Variants in SMTN observed in about 807,000 individuals in gnomAD.
SMTN encodes smoothelin.
A neutral mutation model predicts 102.0 loss-of-function variants in SMTN; 58 were observed. That is an observed-to-expected ratio of 0.57 (90% CI 0.46 to 0.71). SMTN has a LOEUF of 0.71. Among genes scored for constraint, SMTN ranks in the 30% least tolerant of loss-of-function variants. The pLI, the probability that SMTN is intolerant of heterozygous loss-of-function variation, is 0.00. For missense variants in SMTN, 1,185 were observed against 1,241.7 expected (o/e 0.95, Z 0.69); for synonymous variants, 478 against 497.9 (o/e 0.96, Z 0.53).
In SMTN at chr22:31,090,179, A is replaced by C. The variant is rs748916642; in HGVS notation, c.864A>C (p.Ala288=). Reference sequence around the variant, plus strand: ...GAGGCCCCTCTGACACCAAGAGAGCAGGTGAGGGTCCCAGCAGGGGTAGTC... The same window carrying C: ...GAGGCCCCTCTGACACCAAGAGAGCCGGTGAGGGTCCCAGCAGGGGTAGTC... ...PTRGPSDTKR[A]DVAGPRPCQR... The change falls in exon 8 of 21, where the codon GCA becomes GCC. Residue 288 remains alanine, a splice_region_variant and synonymous_variant. Transcript: ENST00000333137. The C allele has an allele frequency of 6.2e-7, 1 of 1,609,728 alleles. No homozygotes were observed.
rs1266040677 is a variant in SMTN, at chr22:31,095,638, C to T, written c.1861+29C>T. 6.3e-7 allele frequency: 1 copy of T among 1,581,716 alleles called. No homozygotes were observed. The highest frequency in any genetic ancestry group is 8.6e-7 in the Non-Finnish European group (1 of 1,160,144). ...GAGAGCCAGTTGCCCTACCCTAGATCCAGCTGCCCCATTCCCCAGCTGCTC... is the reference window on the plus strand; with the variant it reads ...GAGAGCCAGTTGCCCTACCCTAGATTCAGCTGCCCCATTCCCCAGCTGCTC... On this transcript the variant is annotated intron_variant, in intron 13 of 20. Coordinates refer to ENST00000333137, the MANE Select transcript of SMTN (RefSeq NM_134269.3). The surrounding 1 kb of genome is among the most constrained non-coding windows in gnomAD (Gnocchi z 4.1).
chr22:31,078,780 G>C (rs1235428896), upstream of SMTN, among the ~76,000 whole-genome samples: 1 of 152,230 alleles, frequency 6.6e-6, no homozygotes, highest in African/African-American at 2.4e-5. Context: ...TTGGGAGGCT[G>C]AGATGGAAGG....
Position 31,095,356 on chromosome 22 carries a change from G to T in SMTN, c.1686G>T (p.Gly562=). The change falls in exon 12 of 21, where the codon GGG becomes GGT. Residue 562 remains glycine, a synonymous_variant. Coordinates refer to ENST00000333137, the MANE Select transcript of SMTN (RefSeq NM_134269.3). This position sits in a 1 kb window ranked among gnomAD's most constrained non-coding sequence, Gnocchi z 4.1. ...PLAAAVEAAN[G]AEQTRVNKAP... is the part of the protein sequence containing the mutation. ...CTGCAGCAGTGGAAGCGGCCAATGG[G>T]GCTGAGCAGACCCGAGTGAACAAAG... 1.2e-6 allele frequency: 2 copies of T among 1,614,222 alleles called. No individual in the cohort carries two copies. Among genetic ancestry groups the T allele is most frequent in the Non-Finnish European group, 1.7e-6 (2 of 1,180,040 alleles).
intron 19 of SMTN, among the ~76,000 whole-genome samples, chr22:31,100,257 G>A (rs1227517617): frequency 1.3e-5 from 2 of 151,836 alleles, no homozygotes; most frequent in African/African-American, 2.4e-5. Flanking sequence ...ACGGGATCCC[G>A]GCTGGAGATT....
intron 11 of SMTN, among the ~76,000 whole-genome samples, chr22:31,094,157 CT>C (rs1236291235): frequency 6.6e-6 from 1 of 152,256 alleles, no homozygotes; most frequent in African/African-American, 2.4e-5. Flanking sequence ...CAGCTGCCAC[CT>C]CAGCTCTCCT....
intron 6 of SMTN, 48 bp downstream of exon 6, chr22:31,089,017 G>C: frequency 6.8e-7 from 1 of 1,472,428 alleles, no homozygotes; most frequent in South Asian, 1.1e-5. Flanking sequence ...CATGGATACC[G>C]GTAGCACAGA....
chr22:31,072,618 C>T (rs781302839), intron 1 of SMTN, among the ~76,000 whole-genome samples: 3 of 152,042 alleles, frequency 2.0e-5, no homozygotes, highest in South Asian at 2.1e-4. Context: ...CCCGCCACCA[C>T]GCCTGGCTAA....
At chr22:31,099,230 A>C in intron 18 of SMTN, 51 bp downstream of exon 18, 6 of 1,171,302 alleles carry the variant, frequency 5.1e-6, no homozygotes, top group South Asian at 1.2e-5. Flanking sequence ...ACCCCAGCTC[A>C]ACACCTCCTT....
intron 11 of SMTN, chr22:31,093,705 AC>A (rs1238466766): frequency 1.8e-6 from 2 of 1,086,730 alleles, no homozygotes; most frequent in African/African-American, 3.1e-5. Context: ...TGGGGGTCCC[AC>A]TTGTGTCCGG....
At position 31,094,746 on chromosome 22, in the gene SMTN, A is replaced by ATCATAGC. The variant is rs2043437984; in HGVS notation, c.1633-554_1633-548dup. ...GCCCAGACTGGAGTGCAGCTGCATG[A>ATCATAGC]TCATAGCTCTCTGCAGCCTCTAACT... On this transcript the variant is annotated intron_variant, in intron 11 of 20. Coordinates refer to ENST00000333137, the MANE Select transcript of SMTN (RefSeq NM_134269.3). Among the ~76,000 whole-genome samples, 28 of 150,014 alleles carry ATCATAGC rather than the reference A, an allele frequency of 1.9e-4. No homozygotes were observed. In the South Asian group the frequency reaches 2.1e-3, roughly 11 times the overall value.
upstream of SMTN, among the ~76,000 whole-genome samples, chr22:31,080,199 G>A (rs769740613): frequency 6.6e-6 from 1 of 152,140 alleles, no homozygotes. Flanking sequence ...TGTCACAGAG[G>A]ACCTGAACCG....
intron 1 of SMTN, chr22:31,082,258 T>G: frequency 4.5e-6 from 1 of 221,504 alleles, no homozygotes; most frequent in Admixed American, 4.8e-5. Context: ...AGACATTAGT[T>G]GGGGCTACAG....
At chr22:31,073,041 G>GTCT (rs1569232081) in intron 1 of SMTN, among the ~76,000 whole-genome samples, 1 of 119,516 alleles carries the variant, frequency 8.4e-6, no homozygotes, top group African/African-American at 3.9e-5. Flanking sequence ...TTGAGACAGG[G>GTCT]TCTTGCTCTG....
At chr22:31,082,815 A>G in intron 1 of SMTN, 1 of 1,478,884 alleles carries the variant, frequency 6.8e-7, no homozygotes, top group Non-Finnish European at 9.0e-7. Context: ...AGGAAACTGG[A>G]GACTGGAGTG....
At chr22:31,096,665 A>T in intron 13 of SMTN, 68 bp from the exon 14 acceptor site, 1 of 1,466,896 alleles carries the variant, frequency 6.8e-7, no homozygotes, top group South Asian at 1.4e-5. Context: ...TGCCCCATGC[A>T]CCTGTGCATC....
intron 1 of SMTN, among the ~76,000 whole-genome samples, chr22:31,070,732 T>C (rs1461036845): frequency 1.3e-5 from 2 of 151,864 alleles, no homozygotes; most frequent in Admixed American, 6.6e-5. Context: ...AAGACCAGCC[T>C]GGCCAACATC....
Position 31,091,852 on chromosome 22 carries a change from G to T in SMTN, c.1632+5G>T. ...CGAGGAGGCTGCAGCATCAAGGTGA[G>T]CCCCTCCTCACCCCACCAGCCTCAC... On this transcript the variant is annotated splice_donor_5th_base_variant and intron_variant, in intron 11 of 20. Transcript: ENST00000333137. The T allele has an allele frequency of 6.4e-7, 1 of 1,571,270 alleles. No homozygotes were observed. The highest frequency in any genetic ancestry group is 8.7e-7 in the Non-Finnish European group (1 of 1,155,384).
At position 31,099,189 on chromosome 22, in the gene SMTN, G is replaced by C; in HGVS notation, c.2451+10G>C. 1 of 1,593,882 alleles carries C rather than the reference G, an allele frequency of 6.3e-7. No individual in the cohort carries two copies. Among genetic ancestry groups the C allele is most frequent in the Non-Finnish European group, 8.6e-7 (1 of 1,164,438 alleles). On this transcript the variant is annotated intron_variant, in intron 18 of 20. Transcript: ENST00000333137. ...GACTCGCGGCTACGAGGTGAGCCCC[G>C]GGAGGCCAGGGGGCCTGGAGGCCTC...
upstream of SMTN, chr22:31,080,904 C>T: frequency 6.6e-6 from 1 of 152,360 alleles, no homozygotes; most frequent in Non-Finnish European, 1.5e-5. Flanking sequence ...AGCCTAGGGA[C>T]GGCGGCCAAG....
Sources: gnomAD v4.1 joint callset for allele counts (sites outside exome capture counted in the v4.1 genomes callset) on GRCh38, gnomAD v4.1.1 for gene constraint, Gnocchi (gnomAD v3.1) non-coding constraint, MANE v1.5 for transcripts, NCBI Gene and HGNC (gene_info 2026-07-23, HGNC 2026-07-21) for gene names.